The following DAB1 variants were observed in gnomAD, a reference collection of about 807,000 sequenced individuals.
DAB1 encodes DAB adaptor protein 1.
A neutral mutation model predicts 64.6 loss-of-function variants in DAB1; 15 were observed. The observed-to-expected ratio is 0.23, with a 90% CI of 0.16 to 0.36. The LOEUF is 0.36. DAB1 is among the 10% of genes least tolerant of loss of function. DAB1 has a pLI of 1.00. For missense variants in DAB1, 596 were observed against 706.7 expected (o/e 0.84, Z 1.78); for synonymous variants, 235 against 251.9 (o/e 0.93, Z 0.64).
At chr1:57,908,972 T>C in intron 5 of DAB1, among the ~76,000 whole-genome samples, 1 of 151,534 alleles carries the variant, frequency 6.6e-6, no homozygotes, top group South Asian at 2.1e-4. Flanking sequence ...TATTTTCCTT[T>C]AAAAAAAAAT....
intron 5 of DAB1, among the ~76,000 whole-genome samples, chr1:57,935,772 C>T (rs1473572536): frequency 6.6e-6 from 1 of 152,114 alleles, no homozygotes; most frequent in African/African-American, 2.4e-5. Flanking sequence ...TAAAAAGCTG[C>T]CCTAGATGCC....
intron 9 of DAB1, among the ~76,000 whole-genome samples, chr1:57,033,824 C>T (rs1647040923): frequency 6.6e-6 from 1 of 152,208 alleles, no homozygotes; most frequent in Non-Finnish European, 1.5e-5. Context: ...CAATTAGAGA[C>T]ATTGCCCCGC....
chr1:57,842,957 T>C (rs574934357), intron 1 of DAB1, among the ~76,000 whole-genome samples: 94 of 152,370 alleles, frequency 6.2e-4, no homozygotes, highest in Non-Finnish European at 8.5e-4. Flanking sequence ...ATATGTTGAA[T>C]ACAGTATATT....
chr1:58,142,720 C>T (rs888846701), intron 5 of DAB1, among the ~76,000 whole-genome samples: 2 of 152,254 alleles, frequency 1.3e-5, no homozygotes, highest in Non-Finnish European at 2.9e-5. Context: ...TTACCACCTG[C>T]CTAATTCGTT....
intron 4 of DAB1, among the ~76,000 whole-genome samples, chr1:57,083,736 A>G (rs1007958371): frequency 6.6e-6 from 1 of 152,182 alleles, no homozygotes; most frequent in Admixed American, 6.5e-5. Context: ...TTCATTTGTA[A>G]AATGAGGTGG....
Position 58,300,598 on chromosome 1 carries a change from A to C in DAB1, n.309+42754T>G, listed in dbSNP as rs149436995. Among the ~76,000 whole-genome samples, 209 of 37,660 alleles carry C rather than the reference A, an allele frequency of 5.5e-3. 7 individuals carry two copies. Among genetic ancestry groups the C allele is most frequent in the African/African-American group, 0.018 (198 of 11,264 alleles). 24.7% of individuals were successfully genotyped at this position (37,660 alleles called of 152,430 possible). On this transcript the variant is annotated intron_variant and non_coding_transcript_variant, in intron 4 of 20. Coordinates refer to the DAB1 transcript ENST00000485760. ...AAAGAAAGAAAGAAAGAAAGAAAGA[A>C]AGAAAGAAAGAAAGAGAGAGAGAGA...
At chr1:57,693,279 G>C (rs1270234913) in intron 6 of DAB1, among the ~76,000 whole-genome samples, 2 of 152,122 alleles carry the variant, frequency 1.3e-5, no homozygotes, top group Admixed American at 6.5e-5. Flanking sequence ...TGTTTAGAGG[G>C]GGGATTAAGA....
intron 3 of DAB1, among the ~76,000 whole-genome samples, chr1:58,491,602 AGGG>A (rs1434273756): frequency 6.6e-6 from 1 of 152,132 alleles, no homozygotes; most frequent in Non-Finnish European, 1.5e-5. Flanking sequence ...AAAAAAAGGC[AGGG>A]GTTGCAATCC....
intron 2 of DAB1, among the ~76,000 whole-genome samples, chr1:57,176,972 TAAA>T (rs11333170): frequency 2.7e-5 from 2 of 74,012 alleles, no homozygotes; most frequent in Admixed American, 1.2e-4. Context: ...GCAGCAGATA[TAAA>T]AAAAAAAAAA....
upstream of DAB1, among the ~76,000 whole-genome samples, chr1:57,424,254 C>T: frequency 6.6e-6 from 1 of 151,252 alleles, no homozygotes; most frequent in Non-Finnish European, 1.5e-5. Context: ...CTCGCGGCTC[C>T]CTCCGGGGCG....
chr1:58,421,707 C>T (rs1323034205), intron 3 of DAB1, among the ~76,000 whole-genome samples: 6 of 152,006 alleles, frequency 3.9e-5, no homozygotes, highest in Admixed American at 1.3e-4. Flanking sequence ...CATTCACAAA[C>T]GAGGGGAGGG....
rs919977194 is a variant in DAB1, at chr1:58,019,553, A to G, written n.387+130958T>C. Among the ~76,000 whole-genome samples, 10 of 152,300 alleles carry G rather than the reference A, an allele frequency of 6.6e-5. No individual in the cohort carries two copies. In the East Asian group the frequency reaches 1.9e-3, roughly 29 times the overall value. On this transcript the variant is annotated intron_variant and non_coding_transcript_variant, in intron 5 of 20. Coordinates refer to the DAB1 transcript ENST00000485760. ...CTATCCTAGAGATGTTTCTTATGTT[A>G]TCCTATTTCACATTTCTAACTGCAC...
At chr1:58,114,392 C>T (rs144327918) in intron 5 of DAB1, among the ~76,000 whole-genome samples, 32 of 152,204 alleles carry the variant, frequency 2.1e-4, no homozygotes, top group African/African-American at 6.7e-4. Flanking sequence ...TATCTAGTCC[C>T]GAACAAAAAA....
At chr1:57,019,287 C>T (rs951149458) in intron 11 of DAB1, among the ~76,000 whole-genome samples, 1 of 152,186 alleles carries the variant, frequency 6.6e-6, no homozygotes, top group Admixed American at 6.5e-5. Context: ...ATTAAACCCA[C>T]AATGCATAAG....
At chr1:58,197,850 T>C (rs1219113503) in intron 4 of DAB1, among the ~76,000 whole-genome samples, 3 of 152,146 alleles carry the variant, frequency 2.0e-5, no homozygotes, top group African/African-American at 7.2e-5. Flanking sequence ...AAGCAAACTC[T>C]CACTTGGAAA....
chr1:57,348,482 A>G (rs1473403185), intron 1 of DAB1, among the ~76,000 whole-genome samples: 1 of 152,210 alleles, frequency 6.6e-6, no homozygotes, highest in Non-Finnish European at 1.5e-5. Flanking sequence ...CAGGCCCAGT[A>G]CCAGATGCTA....
intron 2 of DAB1, among the ~76,000 whole-genome samples, chr1:57,246,856 C>T (rs1471544760): frequency 2.0e-5 from 3 of 152,224 alleles, no homozygotes; most frequent in African/African-American, 7.2e-5. Flanking sequence ...GATTTAATGA[C>T]TGTCATACTG....
chr1:57,496,763 C>A (rs1452777220), intron 7 of DAB1, among the ~76,000 whole-genome samples: 1 of 152,180 alleles, frequency 6.6e-6, no homozygotes, highest in Admixed American at 6.5e-5. Flanking sequence ...AACTGAGGAA[C>A]AGAGAGAACA....
intron 4 of DAB1, among the ~76,000 whole-genome samples, chr1:58,165,207 T>A (rs1476895548): frequency 6.6e-6 from 1 of 152,136 alleles, no homozygotes; most frequent in Non-Finnish European, 1.5e-5. Context: ...GACAGATGTG[T>A]CCCAGAACTC....
Sources: gnomAD v4.1 joint callset for allele counts (sites outside exome capture counted in the v4.1 genomes callset) on GRCh38, gnomAD v4.1.1 for gene constraint, MANE v1.5 for transcripts, NCBI Gene and HGNC (gene_info 2026-07-23, HGNC 2026-07-21) for gene names.